ATP11A: variants seen among roughly 807,000 people sequenced by gnomAD.
ATP11A encodes the protein ATPase phospholipid transporting 11A, also known as phospholipid-transporting ATPase IH.
In ATP11A, 81 loss-of-function variants were observed where a neutral mutation model predicts 154.4. The ratio of observed to expected loss-of-function variants is 0.52; its 90% confidence interval spans 0.44 to 0.63. The LOEUF is 0.63. ATP11A is among the 30% of genes least tolerant of loss of function. The pLI, the probability that ATP11A is intolerant of heterozygous loss-of-function variation, is 0.00. For missense variants in ATP11A, 1,316 were observed against 1,474.3 expected, an observed-to-expected ratio of 0.89 and a Z score of 1.76; for synonymous variants, 623 against 585.9, an observed-to-expected ratio of 1.06 and a Z score of -0.91.
chr13:112,879,789 G>A (rs1007531193), intron 29 of ATP11A, among the ~76,000 whole-genome samples: 4 of 152,234 alleles, frequency 2.6e-5, no homozygotes, highest in African/African-American at 4.8e-5. Flanking sequence ...TCCTCACGTG[G>A]GGCATATGTT....
chr13:112,756,850 C>CGGGGCCTGCTCCCAGCGA lies in ATP11A; in HGVS notation c.40-28281_40-28280insCCTGCTCCCAGCGAGGGG, dbSNP rs1566434575. Among the ~76,000 whole-genome samples, 931 of 127,012 alleles carry CGGGGCCTGCTCCCAGCGA rather than the reference C, an allele frequency of 7.3e-3. 10 individuals are homozygous for CGGGGCCTGCTCCCAGCGA. Among genetic ancestry groups the CGGGGCCTGCTCCCAGCGA allele is most frequent in the African/African-American group, 0.024 (845 of 35,342 alleles). The allele number at this position is 127,012 out of a possible 152,430, so 83.3% of individuals were successfully genotyped here. ...CCCAGCACGGGGCCTGCTCCCAGCG[C>CGGGGCCTGCTCCCAGCGA]GGGGTCTGCTCCCAGCACGTGGTCT... On this transcript the variant is annotated intron_variant, in intron 1 of 29. Transcript: ENST00000375645.
chr13:112,721,125 A>T (rs1160849823), intron 1 of ATP11A, among the ~76,000 whole-genome samples: 1 of 152,186 alleles, frequency 6.6e-6, no homozygotes, highest in African/African-American at 2.4e-5. Context: ...CTGTCCGGTC[A>T]GAAGTGGAAG....
chr13:112,802,240 G>C (rs35913521), intron 2 of ATP11A, among the ~76,000 whole-genome samples: 1 of 152,294 alleles, frequency 6.6e-6, no homozygotes, highest in Non-Finnish European at 1.5e-5. Context: ...CAATTACTCA[G>C]GAGGCTGAGG....
At position 112,729,950 on chromosome 13, in the gene ATP11A, T is replaced by C. The variant is rs76735293; in HGVS notation, c.39+39495T>C. Among the ~76,000 whole-genome samples the C allele has an allele frequency of 4.0e-3, 602 of 152,360 alleles. 4 individuals carry two copies. The highest frequency in any genetic ancestry group is 0.014 in the African/African-American group (567 of 41,578). ...AGATGTAACAGTAGTACTTACTTCT[T>C]CAATAGCCAAAGCTTGAACTTAGGA... On this transcript the variant is annotated intron_variant, in intron 1 of 29. Coordinates refer to ENST00000375645, the MANE Select transcript of ATP11A (RefSeq NM_015205.3).
intron 1 of ATP11A, among the ~76,000 whole-genome samples, chr13:112,729,764 G>A (rs1427732560): frequency 6.6e-6 from 1 of 152,246 alleles, no homozygotes; most frequent in Non-Finnish European, 1.5e-5. Flanking sequence ...TGAATCTCAC[G>A]GAGGCTTCAG....
intron 17 of ATP11A, among the ~76,000 whole-genome samples, chr13:112,844,590 C>T (rs1036358861): frequency 7.2e-5 from 11 of 152,180 alleles, no homozygotes; most frequent in Admixed American, 2.0e-4. Context: ...TCACAAAAGG[C>T]GGCTGTTGTA....
In ATP11A at chr13:112,845,012, G is replaced by A. The variant is rs191805451; in HGVS notation, c.1809+2633G>A. Among the ~76,000 whole-genome samples, 12 of 151,442 alleles carry A rather than the reference G, an allele frequency of 7.9e-5. No homozygotes were observed. The East Asian group carries it at 1.4e-3, about 17-fold the overall frequency. On this transcript the variant is annotated intron_variant, in intron 17 of 29. Transcript: ENST00000375645. Reference sequence around the variant, plus strand: ...GTACTAATCAGTCCAGTTGCCAGCCGCTAGCAGTACTAGTCCAGTTACCGG... The same window carrying A: ...GTACTAATCAGTCCAGTTGCCAGCCACTAGCAGTACTAGTCCAGTTACCGG...
intron 1 of ATP11A, chr13:112,745,414 A>C (rs1892020844): frequency 6.6e-6 from 1 of 152,188 alleles, no homozygotes; most frequent in African/African-American, 2.4e-5. Flanking sequence ...CAGTGTTTTA[A>C]AGTATGTTTA....
At chr13:112,820,085 C>A in intron 8 of ATP11A, 135 bp downstream of exon 8, 1 of 817,634 alleles carries the variant, frequency 1.2e-6, no homozygotes, top group Non-Finnish European at 1.8e-6. Flanking sequence ...TCCCACAGGG[C>A]CGGGCTCCAC....
rs200369525 is a variant in ATP11A, at chr13:112,832,963, A to C, written c.1499A>C (p.Lys500Thr). 22 of 1,613,728 alleles carry C rather than the reference A, an allele frequency of 1.4e-5. No homozygotes were observed. Among genetic ancestry groups the C allele is most frequent in the East Asian group, 1.3e-4 (6 of 44,880 alleles). ...DGPRKSPDGG[K>T]SCVYISSSPD... ...CCCAGGAAATCGCCGGACGGGGGGAAATCCTGTGTGTACATCTCATCCTCG... is the reference window on the plus strand; with the variant it reads ...CCCAGGAAATCGCCGGACGGGGGGACATCCTGTGTGTACATCTCATCCTCG... Residue 500 changes from lysine (K) to threonine (T), a missense_variant, in exon 14 of 30, where the codon AAA (lysine) becomes ACA (threonine). By Grantham distance (78) the Lys-to-Thr change is moderately conservative. Coordinates refer to ENST00000375645, the MANE Select transcript of ATP11A (RefSeq NM_015205.3).
chr13:112,816,821 T>C (rs1178651550), intron 6 of ATP11A, among the ~76,000 whole-genome samples: 1 of 152,248 alleles, frequency 6.6e-6, no homozygotes, highest in African/African-American at 2.4e-5. Flanking sequence ...TTAACCTGTG[T>C]CAATTAGCTA....
At chr13:112,730,266 G>C (rs1890351143) in intron 1 of ATP11A, among the ~76,000 whole-genome samples, 1 of 152,218 alleles carries the variant, frequency 6.6e-6, no homozygotes, top group African/African-American at 2.4e-5. Flanking sequence ...CTGTACCGGA[G>C]GCGATGCTGT....
Position 112,831,477 on chromosome 13 carries a change from T to G in ATP11A, c.1324T>G (p.Cys442Gly). The stretch of plus-strand genomic sequence containing the variant: ...CCATGTCTACGTGCCCCACGTCATC[T>G]GCAACGGGCAGGTCCTCCCAGAGTC... ...EGHVYVPHVI[C>G]NGQVLPESSG... The change falls in exon 13 of 30, where the codon TGC (cysteine) becomes GGC (glycine). Residue 442 changes from cysteine to glycine, a missense_variant. Physicochemically the swap from Cys to Gly is radical, Grantham distance 159. Transcript: ENST00000375645. 1 of 1,614,190 alleles carries G rather than the reference T, an allele frequency of 6.2e-7. No individual in the cohort carries two copies. The highest frequency in any genetic ancestry group is 8.5e-7 in the Non-Finnish European group (1 of 1,180,032).
chr13:112,802,439 A>T (rs1245115211), intron 2 of ATP11A, among the ~76,000 whole-genome samples: 2 of 152,056 alleles, frequency 1.3e-5, no homozygotes, highest in African/African-American at 4.8e-5. Context: ...CCAGATAGTC[A>T]ACCCATTCAC....
intron 1 of ATP11A, among the ~76,000 whole-genome samples, chr13:112,698,995 T>A (rs1176495970): frequency 6.6e-6 from 1 of 152,216 alleles, no homozygotes; most frequent in Non-Finnish European, 1.5e-5. Flanking sequence ...CCCAAAGTAC[T>A]GGCATTACAG....
chr13:112,865,412 A>C (rs1315175841), intron 25 of ATP11A, among the ~76,000 whole-genome samples: 2 of 152,140 alleles, frequency 1.3e-5, no homozygotes. Flanking sequence ...CCACATGTGC[A>C]GTAATTCAGT....
At position 112,839,074 on chromosome 13, in the gene ATP11A, A is replaced by T. The variant is rs375713334; in HGVS notation, c.1705+2823A>T. 8.5e-5 allele frequency among the ~76,000 whole-genome samples: 13 copies of T among 152,072 alleles called. 1 individual carries two copies. Among genetic ancestry groups the T allele is most frequent in the Admixed American group, 8.5e-4 (13 of 15,282 alleles). On this transcript the variant is annotated intron_variant, in intron 16 of 29. Coordinates refer to ENST00000375645, the MANE Select transcript of ATP11A (RefSeq NM_015205.3). ...ACCCTTTTTTATATGTCTGTACCTC[A>T]GTCATGTGTGCTTTCCTGGGATTCT...
At chr13:112,860,092 G>A (rs1269209653) in intron 23 of ATP11A, among the ~76,000 whole-genome samples, 195 bp from the exon 24 acceptor site, 2 of 150,992 alleles carry the variant, frequency 1.3e-5, no homozygotes, top group Non-Finnish European at 2.9e-5. Context: ...ATGAGTCAGT[G>A]TTAGGCTTTT....
In ATP11A at chr13:112,754,143, C is replaced by T. The variant is rs991890509; in HGVS notation, c.40-30992C>T. Among the ~76,000 whole-genome samples, 2 of 152,218 alleles carry T rather than the reference C, an allele frequency of 1.3e-5. No individual in the cohort carries two copies. Among genetic ancestry groups the T allele is most frequent in the South Asian group, 2.1e-4 (1 of 4,826 alleles). On this transcript the variant is annotated intron_variant, in intron 1 of 29. Coordinates refer to ENST00000375645, the MANE Select transcript of ATP11A (RefSeq NM_015205.3). The surrounding 1 kb of genome is among the most constrained non-coding windows in gnomAD (Gnocchi z 5.3). ...TCATCCTGAGCCGCAGTTGGAGCCA[C>T]GGTCCCTGCTGCTGAGATGTGAGAA...
Sources: gnomAD v4.1 joint callset for allele counts (sites outside exome capture counted in the v4.1 genomes callset) on GRCh38, gnomAD v4.1.1 for gene constraint, Gnocchi (gnomAD v3.1) non-coding constraint, MANE v1.5 for transcripts, NCBI Gene and HGNC (gene_info 2026-07-23, HGNC 2026-07-21) for gene names.